Variants in CHN2 observed in about 807,000 individuals in gnomAD.
CHN2 encodes the protein chimerin 2.
Under a neutral mutation model 56.3 loss-of-function variants are expected in CHN2, and 35 were observed. The observed-to-expected ratio is 0.62, with a 90% CI of 0.47 to 0.82. The LOEUF is 0.82. Ranked by LOEUF, CHN2 falls within the 40% of genes least tolerant of loss-of-function variation. The pLI is 0.00. For synonymous variants in CHN2, 210 were observed against 212.8 expected (o/e 0.99, Z 0.12); for missense variants, 491 against 580.5 (o/e 0.85, Z 1.58).
At chr7:29,493,191 G>A (rs1035849474) in intron 7 of CHN2, among the ~76,000 whole-genome samples, 2 of 151,940 alleles carry the variant, frequency 1.3e-5, no homozygotes, top group African/African-American at 4.8e-5. Context: ...TGTTACAGTT[G>A]CCTACAGTAT....
chr7:29,332,701 A>G (rs1796317980), intron 1 of CHN2, among the ~76,000 whole-genome samples: 1 of 152,216 alleles, frequency 6.6e-6, no homozygotes, highest in South Asian at 2.1e-4. Flanking sequence ...AAAGTATTCA[A>G]TACTTCATTA....
At chr7:29,245,412 A>G (rs1787995243) in intron 1 of CHN2, among the ~76,000 whole-genome samples, 1 of 152,250 alleles carries the variant, frequency 6.6e-6, no homozygotes, top group East Asian at 1.9e-4. Context: ...CATACTTAGT[A>G]TCTTTTGAAT....
At chr7:29,426,268 G>C (rs1312671053) in intron 6 of CHN2, among the ~76,000 whole-genome samples, 1 of 150,482 alleles carries the variant, frequency 6.6e-6, no homozygotes, top group Non-Finnish European at 1.5e-5. Context: ...GTAGGACACT[G>C]GGATTTTTGC....
chr7:29,312,829 C>A (rs1194923749), intron 1 of CHN2, among the ~76,000 whole-genome samples: 2 of 152,014 alleles, frequency 1.3e-5, no homozygotes, highest in Non-Finnish European at 2.9e-5. Flanking sequence ...ATAGAAATAA[C>A]CTATTATACT....
At chr7:29,195,980 G>A (rs1783677660) in intron 1 of CHN2, among the ~76,000 whole-genome samples, 1 of 152,158 alleles carries the variant, frequency 6.6e-6, no homozygotes, top group East Asian at 1.9e-4. Context: ...AGACATTTAG[G>A]GTAGTATACA....
intron 1 of CHN2, among the ~76,000 whole-genome samples, chr7:29,348,596 G>T (rs540554653): frequency 6.6e-6 from 1 of 152,076 alleles, no homozygotes; most frequent in Non-Finnish European, 1.5e-5. Context: ...CAAAGGAATC[G>T]GACATGACCT....
At chr7:29,483,970 C>T in intron 7 of CHN2, 1 of 912,544 alleles carries the variant, frequency 1.1e-6, no homozygotes, top group Non-Finnish European at 1.6e-6. Context: ...TGGTCTCTGG[C>T]ACCCAGTAAG....
chr7:29,360,537 T>A lies in CHN2; in HGVS notation c.88+5874T>A, dbSNP rs373137763. ...CCCCGTCTCAAAAAAACAAAAAAAATTGACATTCTGTTAGGAAGGCAAGGC... is the reference window on the plus strand; with the variant it reads ...CCCCGTCTCAAAAAAACAAAAAAAAATGACATTCTGTTAGGAAGGCAAGGC... On this transcript the variant is annotated intron_variant, in intron 2 of 12. Coordinates refer to ENST00000222792, the MANE Select transcript of CHN2 (RefSeq NM_004067.4). 8.5e-5 allele frequency among the ~76,000 whole-genome samples: 13 copies of A among 152,120 alleles called. 1 individual carries two copies. The highest frequency in any genetic ancestry group is 2.9e-4 in the African/African-American group (12 of 41,490).
chr7:29,474,634 G>A (rs1786438375), intron 6 of CHN2, among the ~76,000 whole-genome samples: 1 of 152,132 alleles, frequency 6.6e-6, no homozygotes. Flanking sequence ...AGTATAGCTC[G>A]GGCAGTCAAC....
chr7:29,282,660 T>A (rs187122429), intron 1 of CHN2, among the ~76,000 whole-genome samples: 1 of 152,340 alleles, frequency 6.6e-6, no homozygotes, highest in Non-Finnish European at 1.5e-5. Context: ...TAAAGGAGAA[T>A]TTTTTACCTA....
chr7:29,345,797 G>A (rs763459777), intron 1 of CHN2, among the ~76,000 whole-genome samples: 7 of 152,004 alleles, frequency 4.6e-5, no homozygotes, highest in Non-Finnish European at 7.4e-5. Context: ...ATGTGGCCCC[G>A]GTGCCCTCTA....
intron 3 of CHN2, among the ~76,000 whole-genome samples, chr7:29,382,369 T>C (rs1207962530): frequency 6.6e-6 from 1 of 152,206 alleles, no homozygotes; most frequent in Non-Finnish European, 1.5e-5. Flanking sequence ...TGGTCTTCAG[T>C]CTTCACTCTG....
At chr7:29,199,573 A>G (rs955033677) in intron 1 of CHN2, 10 of 152,242 alleles carry the variant, frequency 6.6e-5, no homozygotes, top group Admixed American at 4.6e-4. Flanking sequence ...AAACTTGCAA[A>G]GCTAAAATTA....
intron 1 of CHN2, among the ~76,000 whole-genome samples, chr7:29,341,194 C>G (rs955872389): frequency 1.3e-5 from 2 of 152,128 alleles, no homozygotes; most frequent in African/African-American, 4.8e-5. Context: ...CTCATCCTTC[C>G]CCTCTCTAGA....
At chr7:29,360,448 A>G (rs1370253733) in intron 2 of CHN2, among the ~76,000 whole-genome samples, 4 of 152,170 alleles carry the variant, frequency 2.6e-5, no homozygotes, top group African/African-American at 4.8e-5. Flanking sequence ...TGAAGCCAGG[A>G]GGCAGAGGTT....
At chr7:29,489,227 TATC>T (rs1788384684) in intron 7 of CHN2, among the ~76,000 whole-genome samples, 1 of 152,190 alleles carries the variant, frequency 6.6e-6, no homozygotes, top group African/African-American at 2.4e-5. Flanking sequence ...TCTCGTGTAA[TATC>T]ATCTTTTTTG....
chr7:29,267,251 T>G (rs928096934), intron 1 of CHN2, among the ~76,000 whole-genome samples: 1 of 151,302 alleles, frequency 6.6e-6, no homozygotes, highest in African/African-American at 2.4e-5. Context: ...TTTTTTTTTT[T>G]AATTTTTTTG....
At chr7:29,396,613 G>C (rs1801768739) in intron 4 of CHN2, 1 of 152,262 alleles carries the variant, frequency 6.6e-6, no homozygotes, top group Non-Finnish European at 1.5e-5. Flanking sequence ...CCCACGGGCT[G>C]TGTCTTCGAC....
chr7:29,263,935 C>T (rs1304737662), intron 1 of CHN2, among the ~76,000 whole-genome samples: 5 of 149,788 alleles, frequency 3.3e-5, no homozygotes, highest in Non-Finnish European at 7.4e-5. Flanking sequence ...AGCTGGGGGG[C>T]AGCCCCCGCC....
Sources: gnomAD v4.1 joint callset for allele counts (sites outside exome capture counted in the v4.1 genomes callset) on GRCh38, gnomAD v4.1.1 for gene constraint, MANE v1.5 for transcripts, NCBI Gene and HGNC (gene_info 2026-07-23, HGNC 2026-07-21) for gene names.